TEAD1: variants seen among roughly 807,000 people sequenced by gnomAD.
TEAD1 encodes transcriptional enhancer factor TEF-1.
TEAD1 carries 9 observed loss-of-function variants against 54.9 expected under a neutral mutation model. The ratio of observed to expected loss-of-function variants is 0.16; its 90% CI spans 0.10 to 0.29. TEAD1 has a LOEUF of 0.29. TEAD1 is among the 10% of genes least tolerant of loss of function. TEAD1 has a pLI of 1.00. For synonymous variants in TEAD1, 200 were observed against 187.8 expected (o/e 1.07, Z -0.53); for missense variants, 387 against 535.9 (o/e 0.72, Z 2.74).
In TEAD1 at chr11:12,720,341, C is replaced by A. The variant is rs547659943; in HGVS notation, c.-54-43838C>A. 6.2e-4 allele frequency among the ~76,000 whole-genome samples: 94 copies of A among 152,112 alleles called. 2 individuals carry two copies. Among genetic ancestry groups the A allele is most frequent in the South Asian group, 4.4e-3 (21 of 4,812 alleles). On this transcript the variant is annotated intron_variant, in intron 2 of 12. Transcript: ENST00000527636. The stretch of plus-strand genomic sequence containing the variant: ...ACTGGGAAGAAATTAGTAGAGAATG[C>A]AGAACATATAGATACATAGATAGTC...
intron 9 of TEAD1, among the ~76,000 whole-genome samples, chr11:12,898,662 G>C (rs1203957263): frequency 6.6e-6 from 1 of 152,134 alleles, no homozygotes; most frequent in Non-Finnish European, 1.5e-5. Flanking sequence ...CCCAAGTGCT[G>C]GGATTACAGG....
chr11:12,906,553 AAAAAAG>A (rs1166439377), intron 10 of TEAD1, among the ~76,000 whole-genome samples: 8 of 151,758 alleles, frequency 5.3e-5, no homozygotes, highest in African/African-American at 1.7e-4. Context: ...AAAAAAAAAA[AAAAAAG>A]AAAGAAAGAA....
chr11:12,730,351 T>C (rs966089759), intron 2 of TEAD1, among the ~76,000 whole-genome samples: 6 of 151,968 alleles, frequency 3.9e-5, no homozygotes, highest in African/African-American at 1.5e-4. Flanking sequence ...TAAAGTGACT[T>C]GTTTAAGGGT....
chr11:12,788,757 A>G (rs1945735665), intron 3 of TEAD1, among the ~76,000 whole-genome samples: 1 of 152,250 alleles, frequency 6.6e-6, no homozygotes, highest in South Asian at 2.1e-4. Flanking sequence ...CCTGTAAAAA[A>G]TACTGAGTAA....
At chr11:12,755,871 A>G (rs1341251033) in intron 2 of TEAD1, among the ~76,000 whole-genome samples, 1 of 152,196 alleles carries the variant, frequency 6.6e-6, no homozygotes, top group Non-Finnish European at 1.5e-5. Context: ...AACAATGATC[A>G]GCTTGACTGG....
At chr11:12,709,220 CCTAA>C (rs1943881843) in intron 2 of TEAD1, among the ~76,000 whole-genome samples, 1 of 151,962 alleles carries the variant, frequency 6.6e-6, no homozygotes, top group Non-Finnish European at 1.5e-5. Flanking sequence ...CACCTGTGGT[CCTAA>C]CTACTTGGGA....
At chr11:12,750,405 C>T (rs145652537) in intron 2 of TEAD1, among the ~76,000 whole-genome samples, 220 of 152,286 alleles carry the variant, frequency 1.4e-3, no homozygotes, top group African/African-American at 4.9e-3. Flanking sequence ...ACTTGGAACA[C>T]TGAAGGGAGA....
chr11:12,787,766 G>T (rs1271727892), intron 3 of TEAD1, among the ~76,000 whole-genome samples: 1 of 152,084 alleles, frequency 6.6e-6, no homozygotes, highest in East Asian at 1.9e-4. Context: ...ATAAATTTAT[G>T]TACTTAATTT....
chr11:12,937,695 T>C lies in TEAD1; in HGVS notation c.*473T>C, dbSNP rs1372043766. ...ATTAATCTTTAAATATAAATGTAAA[T>C]TAGTACACAAAACTAAGAATCTTTA... On this transcript the variant is annotated 3_prime_UTR_variant, in exon 13 of 13. Coordinates refer to ENST00000527636, the MANE Select transcript of TEAD1 (RefSeq NM_021961.6). 6.5e-6 allele frequency: 1 copy of C among 153,208 alleles called. No homozygotes were observed. The highest frequency in any genetic ancestry group is 1.9e-4 in the East Asian group (1 of 5,218). The allele number at this position is 153,208 out of a possible 1,614,324, so 9.5% of individuals were successfully genotyped here. A position where few individuals can be genotyped will look rare whatever the true frequency, so the allele number is the denominator to read the frequency against.
At chr11:12,723,797 TG>T (rs1275299248) in intron 2 of TEAD1, among the ~76,000 whole-genome samples, 1 of 152,254 alleles carries the variant, frequency 6.6e-6, no homozygotes, top group East Asian at 1.9e-4. Flanking sequence ...TGCCTGTAAC[TG>T]CTTTGCAAAA....
intron 3 of TEAD1, among the ~76,000 whole-genome samples, chr11:12,802,880 T>A (rs1479361986): frequency 6.6e-6 from 1 of 152,166 alleles, no homozygotes; most frequent in East Asian, 1.9e-4. Context: ...AAAAACATTG[T>A]CTAGTTTTTC....
intron 2 of TEAD1, among the ~76,000 whole-genome samples, chr11:12,719,699 T>G (rs1335968623): frequency 6.6e-6 from 1 of 152,018 alleles, no homozygotes; most frequent in Non-Finnish European, 1.5e-5. Context: ...TTAATCTGGG[T>G]GAAGCCGTGG....
intron 10 of TEAD1, among the ~76,000 whole-genome samples, chr11:12,920,539 C>T (rs4757065): frequency 0.27 from 40,866 of 151,884 alleles, 5,916 homozygotes; most frequent in East Asian, 0.39. Context: ...GGTCTTGCTA[C>T]GTTGCCTAGG....
At chr11:12,899,093 A>G (rs1293538860) in intron 9 of TEAD1, among the ~76,000 whole-genome samples, 1 of 152,222 alleles carries the variant, frequency 6.6e-6, no homozygotes, top group African/African-American at 2.4e-5. Context: ...CAGAACAGCT[A>G]GGAGTGAGGA....
chr11:12,805,857 C>T (rs1462327138), intron 3 of TEAD1, among the ~76,000 whole-genome samples: 1 of 152,168 alleles, frequency 6.6e-6, no homozygotes, highest in Non-Finnish European at 1.5e-5. Context: ...TGTTGCTTCT[C>T]TAGATTGATT....
chr11:12,844,310 T>G (rs906407205), intron 3 of TEAD1, among the ~76,000 whole-genome samples: 1 of 152,056 alleles, frequency 6.6e-6, no homozygotes, highest in Non-Finnish European at 1.5e-5. Context: ...GAACTAAGAG[T>G]CCAGAGATTA....
chr11:12,930,827 C>T (rs1000346623), intron 12 of TEAD1, among the ~76,000 whole-genome samples: 16 of 152,180 alleles, frequency 1.1e-4, no homozygotes, highest in African/African-American at 3.6e-4. Flanking sequence ...TTGACATGTT[C>T]CATGATGGAC....
intron 3 of TEAD1, among the ~76,000 whole-genome samples, chr11:12,861,696 A>G (rs1455387421): frequency 1.3e-5 from 2 of 152,222 alleles, no homozygotes; most frequent in Non-Finnish European, 2.9e-5. Context: ...TCTTAAAAAG[A>G]TAAATTTCAG....
At chr11:12,892,517 G>A (rs1351564787) in intron 9 of TEAD1, among the ~76,000 whole-genome samples, 1 of 152,152 alleles carries the variant, frequency 6.6e-6, no homozygotes, top group Non-Finnish European at 1.5e-5. Context: ...GATGGTGGGT[G>A]CCTGTAATCC....
Sources: allele counts gnomAD v4.1 joint callset (sites outside exome capture counted in the v4.1 genomes callset), GRCh38; gene constraint gnomAD v4.1.1; transcripts MANE v1.5; gene names NCBI Gene and HGNC (gene_info 2026-07-23, HGNC 2026-07-21).